Variants in CABLES1 observed in about 807,000 individuals in gnomAD.
The protein encoded by CABLES1 is Cdk5 and Abl enzyme substrate 1, also known as CDK5 and ABL1 enzyme substrate 1.
Under a neutral mutation model 57.8 loss-of-function variants are expected in CABLES1, and 36 were observed. The ratio of observed to expected loss-of-function variants is 0.62; its 90% confidence interval spans 0.48 to 0.82. The LOEUF (loss-of-function observed/expected upper bound fraction) is 0.82, where lower values mean the gene tolerates loss of function less well. Among genes scored for constraint, CABLES1 ranks in the 40% least tolerant of loss-of-function variants. CABLES1 has a pLI of 0.00. For synonymous variants in CABLES1, 374 were observed against 363.0 expected, an observed-to-expected ratio of 1.03 and a Z score of -0.35; for missense variants, 767 against 836.6, an observed-to-expected ratio of 0.92 and a Z score of 1.03.
At chr18:23,161,752 TCCAAAAAA>T (rs1669161306) in intron 1 of CABLES1, among the ~76,000 whole-genome samples, 1 of 23,442 alleles carries the variant, frequency 4.3e-5, no homozygotes, top group African/African-American at 1.3e-4. Context: ...CTACTAAAAA[TCCAAAAAA>T]AAAAAAAAAA....
chr18:23,137,448 G>A (rs1353727245), intron 1 of CABLES1, among the ~76,000 whole-genome samples: 1 of 152,208 alleles, frequency 6.6e-6, no homozygotes, highest in Non-Finnish European at 1.5e-5. Flanking sequence ...GCGAGTAGGC[G>A]GGAACAGGTG....
intron 1 of CABLES1, among the ~76,000 whole-genome samples, chr18:23,151,136 A>G (rs2046927427): frequency 6.7e-6 from 1 of 149,772 alleles, no homozygotes; most frequent in Non-Finnish European, 1.5e-5. Flanking sequence ...CTCCTGCCTC[A>G]GCCTCCCGAG....
At chr18:23,169,557 T>G (rs1055610153) in intron 1 of CABLES1, among the ~76,000 whole-genome samples, 5 of 152,224 alleles carry the variant, frequency 3.3e-5, no homozygotes, top group Non-Finnish European at 5.9e-5. Flanking sequence ...CTTATGTTAA[T>G]GGTGCCAAGA....
intron 3 of CABLES1, among the ~76,000 whole-genome samples, chr18:23,196,063 G>T (rs2047280281): frequency 6.6e-6 from 1 of 152,176 alleles, no homozygotes; most frequent in Non-Finnish European, 1.5e-5. Context: ...CCCCAGCATG[G>T]TTAGGTAGTG....
chr18:23,256,632 C>T (rs537599389), intron 9 of CABLES1, among the ~76,000 whole-genome samples: 118 of 152,176 alleles, frequency 7.8e-4, no homozygotes, highest in African/African-American at 2.7e-3. Context: ...AGGCGCCCAC[C>T]GCCACGCCCG....
intron 7 of CABLES1, among the ~76,000 whole-genome samples, chr18:23,244,228 T>TA (rs1385175785): frequency 1.3e-5 from 2 of 152,236 alleles, no homozygotes; most frequent in Non-Finnish European, 2.9e-5. Context: ...AGGAGTCCTG[T>TA]AGCACCAGAT....
chr18:23,149,101 C>T (rs2046911144), intron 1 of CABLES1, among the ~76,000 whole-genome samples: 1 of 151,974 alleles, frequency 6.6e-6, no homozygotes, highest in Non-Finnish European at 1.5e-5. Context: ...GCCATGTTGT[C>T]CAGGCTGGTC....
intron 4 of CABLES1, chr18:23,214,810 A>G (rs2057179353): frequency 6.6e-6 from 1 of 152,276 alleles, no homozygotes; most frequent in Non-Finnish European, 1.5e-5. Flanking sequence ...CAGCCACACC[A>G]CAGACATGTG....
At chr18:23,235,104 A>C (rs544956294) in intron 5 of CABLES1, among the ~76,000 whole-genome samples, 1 of 152,174 alleles carries the variant, frequency 6.6e-6, no homozygotes, top group East Asian at 1.9e-4. Flanking sequence ...TCAGTCTTAC[A>C]CTGTGACCAC....
rs573272807 is a variant in CABLES1, at chr18:23,138,627, T to C, written c.845+2020T>C. On this transcript the variant is annotated intron_variant, in intron 1 of 9. Transcript: ENST00000256925. ...TTTGTTGCCAACACCACGCCGCTTG[T>C]CTTATCACTAGAGTACTTGCACCTG... 7.2e-4 allele frequency among the ~76,000 whole-genome samples: 109 copies of C among 152,334 alleles called. 2 individuals carry two copies. The highest frequency in any genetic ancestry group is 2.6e-3 in the African/African-American group (107 of 41,580).
intron 4 of CABLES1, among the ~76,000 whole-genome samples, chr18:23,220,385 C>T (rs1002642315): frequency 1.1e-4 from 17 of 152,194 alleles, no homozygotes; most frequent in African/African-American, 3.9e-4. Flanking sequence ...AAGGCAGGTG[C>T]CAGTATTACC....
intron 1 of CABLES1, among the ~76,000 whole-genome samples, chr18:23,161,211 CAAAAT>C (rs760584802): frequency 6.6e-6 from 1 of 151,182 alleles, no homozygotes; most frequent in Admixed American, 6.6e-5. Flanking sequence ...CTCTGTCTCT[CAAAAT>C]AAATGAATAA....
At chr18:23,222,430 T>C (rs4800460) in intron 4 of CABLES1, among the ~76,000 whole-genome samples, 7,079 of 152,058 alleles carry the variant, frequency 0.047, 604 homozygotes, top group Admixed American at 0.22. Flanking sequence ...AAAGTAGTGG[T>C]CACTCTGGTT....
At chr18:23,208,404 T>A (rs1239768913) in intron 3 of CABLES1, among the ~76,000 whole-genome samples, 1 of 152,196 alleles carries the variant, frequency 6.6e-6, no homozygotes, top group Non-Finnish European at 1.5e-5. Context: ...CAGCTCTCAT[T>A]ATGCCATTGC....
intron 3 of CABLES1, among the ~76,000 whole-genome samples, chr18:23,213,371 T>G (rs897862171): frequency 6.6e-6 from 1 of 151,968 alleles, no homozygotes; most frequent in African/African-American, 2.4e-5. Flanking sequence ...GTTTTAATGT[T>G]TTTTTTTAAG....
chr18:23,138,789 G>A (rs2046839287), intron 1 of CABLES1, among the ~76,000 whole-genome samples: 1 of 152,158 alleles, frequency 6.6e-6, no homozygotes, highest in Non-Finnish European at 1.5e-5. Flanking sequence ...GTTACCTCAC[G>A]GATGGTCTCC....
intron 8 of CABLES1, 145 bp downstream of exon 8, chr18:23,253,211 G>C (rs2048081990): frequency 1.7e-6 from 1 of 605,484 alleles, no homozygotes; most frequent in Admixed American, 2.4e-5. Context: ...AGCCGGGCAT[G>C]GTGGCTCACA....
chr18:23,194,429 A>G lies in CABLES1; in HGVS notation c.918-19A>G. On this transcript the variant is annotated intron_variant, in intron 2 of 9. Coordinates refer to ENST00000256925, the MANE Select transcript of CABLES1 (RefSeq NM_001100619.3). ...CAGCAGGCAACTGACTGTGTTTTTG[A>G]AATGACTTTATTTTTCAGATGTCGA... is the stretch of plus-strand genomic sequence containing the variant. 3.2e-6 allele frequency: 5 copies of G among 1,540,658 alleles called. No homozygotes were observed. The highest frequency in any genetic ancestry group is 4.5e-6 in the Non-Finnish European group (5 of 1,113,286).
chr18:23,179,732 A>G (rs2047150738), intron 1 of CABLES1, among the ~76,000 whole-genome samples: 1 of 152,218 alleles, frequency 6.6e-6, no homozygotes, highest in Non-Finnish European at 1.5e-5. Flanking sequence ...CTGCTGGACA[A>G]AGCTTTAGAT....
Sources: allele counts gnomAD v4.1 joint callset (sites outside exome capture counted in the v4.1 genomes callset), GRCh38; gene constraint gnomAD v4.1.1; transcripts MANE v1.5; gene names NCBI Gene and HGNC (gene_info 2026-07-23, HGNC 2026-07-21).